The following MLLT3 variants were observed in gnomAD, a reference collection of about 807,000 sequenced individuals.
MLLT3 encodes protein AF-9.
MLLT3 carries 4 observed loss-of-function variants against 53.2 expected under a neutral mutation model. The ratio of observed to expected loss-of-function variants is 0.08; its 90% CI spans 0.04 to 0.17. The LOEUF (loss-of-function observed/expected upper bound fraction) is 0.17, where lower values mean the gene tolerates loss of function less well. Among genes scored for constraint, MLLT3 ranks in the 10% least tolerant of loss-of-function variants. MLLT3 has a pLI of 1.00. For synonymous variants in MLLT3, 283 were observed against 230.6 expected (o/e 1.23, Z -2.06); for missense variants, 569 against 684.0 (o/e 0.83, Z 1.87).
intron 5 of MLLT3, among the ~76,000 whole-genome samples, chr9:20,402,571 A>T (rs1211419521): frequency 6.6e-6 from 1 of 152,146 alleles, no homozygotes; most frequent in African/African-American, 2.4e-5. Context: ...GAGTTTTTAA[A>T]ACCTCTTTCC....
At chr9:20,601,001 A>T (rs959220239) in intron 2 of MLLT3, among the ~76,000 whole-genome samples, 1 of 151,524 alleles carries the variant, frequency 6.6e-6, no homozygotes, top group Non-Finnish European at 1.5e-5. Context: ...TTCTTTAAAT[A>T]AAAAAAAAGT....
chr9:20,400,659 G>C (rs1471026768), intron 5 of MLLT3, among the ~76,000 whole-genome samples: 1 of 151,956 alleles, frequency 6.6e-6, no homozygotes, highest in Admixed American at 6.6e-5. Context: ...TTGAAGCTGA[G>C]TGATGGTCCA....
In MLLT3 at chr9:20,370,423, C is replaced by T. The variant is rs1031559510; in HGVS notation, c.1126-4679G>A. On this transcript the variant is annotated intron_variant, in intron 5 of 10. Coordinates refer to ENST00000380338, the MANE Select transcript of MLLT3 (RefSeq NM_004529.4). ...AACTCCCTTCTTCTCCTTGGGTCTCCCTATTCCCTGAGATACAACAATACT... is the reference window on the plus strand; with the variant it reads ...AACTCCCTTCTTCTCCTTGGGTCTCTCTATTCCCTGAGATACAACAATACT... 2.2e-4 allele frequency among the ~76,000 whole-genome samples: 33 copies of T among 152,184 alleles called. 1 individual carries two copies. Among genetic ancestry groups the T allele is most frequent in the African/African-American group, 7.9e-4 (33 of 41,526 alleles).
intron 2 of MLLT3, among the ~76,000 whole-genome samples, chr9:20,565,494 C>T (rs1819330199): frequency 6.6e-6 from 1 of 152,014 alleles, no homozygotes; most frequent in African/African-American, 2.4e-5. Flanking sequence ...GCTATAAGTA[C>T]TGTCCTCCCC....
intron 2 of MLLT3, among the ~76,000 whole-genome samples, chr9:20,542,885 C>T (rs1355930739): frequency 6.6e-6 from 1 of 152,216 alleles, no homozygotes; most frequent in Non-Finnish European, 1.5e-5. Flanking sequence ...ATGATCTTAG[C>T]TAGAGCTTCT....
At chr9:20,501,700 G>A (rs1343523020) in intron 2 of MLLT3, among the ~76,000 whole-genome samples, 24 of 144,258 alleles carry the variant, frequency 1.7e-4, no homozygotes, top group Non-Finnish European at 2.5e-4. Context: ...GCCGTGAGCC[G>A]AGATTGCGCC....
In MLLT3 at chr9:20,571,850, G is replaced by C. The variant is rs183530368; in HGVS notation, c.193+48804C>G. ...ATATCATTTCACTTCTGTTAGAACA[G>C]TTTTTGTCAAGAGAACAAAAGATAA... On this transcript the variant is annotated intron_variant, in intron 2 of 10. Coordinates refer to ENST00000380338, the MANE Select transcript of MLLT3 (RefSeq NM_004529.4). Among the ~76,000 whole-genome samples the C allele has an allele frequency of 7.6e-3, 1,162 of 152,338 alleles. 4 individuals are homozygous for C. Among genetic ancestry groups the C allele is most frequent in the Non-Finnish European group, 0.013 (872 of 68,030 alleles).
chr9:20,392,702 T>C (rs1242556191), intron 5 of MLLT3, among the ~76,000 whole-genome samples: 2 of 152,178 alleles, frequency 1.3e-5, no homozygotes, highest in African/African-American at 4.8e-5. Flanking sequence ...TCCATATCTT[T>C]ATGAAATTTG....
At chr9:20,575,701 T>C (rs1195536374) in intron 2 of MLLT3, among the ~76,000 whole-genome samples, 2 of 152,184 alleles carry the variant, frequency 1.3e-5, no homozygotes, top group African/African-American at 4.8e-5. Flanking sequence ...GTCTCAATAG[T>C]GGACTTAAAA....
At chr9:20,438,842 G>T (rs949714865) in intron 4 of MLLT3, among the ~76,000 whole-genome samples, 1 of 152,014 alleles carries the variant, frequency 6.6e-6, no homozygotes. Context: ...TATTTGTAAG[G>T]CCAACTAAAT....
intron 2 of MLLT3, among the ~76,000 whole-genome samples, chr9:20,592,909 T>C (rs984631488): frequency 2.0e-5 from 3 of 152,194 alleles, no homozygotes; most frequent in African/African-American, 7.2e-5. Flanking sequence ...GACAAGTTCC[T>C]TTCTCATCCA....
intron 2 of MLLT3, among the ~76,000 whole-genome samples, chr9:20,466,329 G>A (rs1362250373): frequency 1.3e-5 from 2 of 152,066 alleles, no homozygotes; most frequent in Non-Finnish European, 2.9e-5. Flanking sequence ...TTTCAAGTTA[G>A]GGAGACTTAA....
At chr9:20,349,702 A>T (rs1820963507) in intron 10 of MLLT3, among the ~76,000 whole-genome samples, 1 of 152,232 alleles carries the variant, frequency 6.6e-6, no homozygotes, top group Non-Finnish European at 1.5e-5. Context: ...CCCACTAGAA[A>T]CGTCAGCCCG....
rs549098683 is a variant in MLLT3, at chr9:20,508,543, G to A, written c.194-51757C>T. Among the ~76,000 whole-genome samples the A allele has an allele frequency of 2.0e-5, 3 of 152,264 alleles. No individual in the cohort carries two copies. The South Asian group carries it at 6.2e-4, about 32-fold the overall frequency. On this transcript the variant is annotated intron_variant, in intron 2 of 10. Transcript: ENST00000380338. ...AAAGTAAATCTTAGAGGTAAAGAAT[G>A]AAGAAGACAAAAGATTAAAAATTCA...
chr9:20,497,691 T>A (rs572311784), intron 2 of MLLT3, among the ~76,000 whole-genome samples: 46 of 152,312 alleles, frequency 3.0e-4, no homozygotes, highest in African/African-American at 1.1e-3. Flanking sequence ...ACAATTTGTT[T>A]ATCCATTCCC....
intron 2 of MLLT3, among the ~76,000 whole-genome samples, chr9:20,532,326 T>C (rs779643593): frequency 6.6e-6 from 1 of 151,592 alleles, no homozygotes; most frequent in Non-Finnish European, 1.5e-5. Flanking sequence ...AAAATATATA[T>C]ATATAAATCA....
Position 20,344,398 on chromosome 9 carries a change from A to C in MLLT3, c.*2045T>G, listed in dbSNP as rs1820813345. ...TTAGAAATTTTAAAATATTTTAAAA[A>C]TTTGCAACATTTCCATATAAACATT... On this transcript the variant is annotated 3_prime_UTR_variant, in exon 11 of 11. Coordinates refer to ENST00000380338, the MANE Select transcript of MLLT3 (RefSeq NM_004529.4). The C allele has an allele frequency of 9.6e-6, 2 of 209,280 alleles. No individual in the cohort carries two copies. Among genetic ancestry groups the C allele is most frequent in the Non-Finnish European group, 1.9e-5 (2 of 102,802 alleles). The allele number at this position is 209,280 out of a possible 1,614,324, so 13.0% of individuals were successfully genotyped here.
intron 2 of MLLT3, among the ~76,000 whole-genome samples, chr9:20,494,323 C>G (rs568110970): frequency 3.3e-4 from 50 of 151,764 alleles, no homozygotes; most frequent in Non-Finnish European, 5.7e-4. Flanking sequence ...TACCATTCTT[C>G]AGGGGAGAAG....
At chr9:20,368,284 T>C (rs1821507251) in intron 5 of MLLT3, among the ~76,000 whole-genome samples, 1 of 152,182 alleles carries the variant, frequency 6.6e-6, no homozygotes, top group Admixed American at 6.5e-5. Context: ...CTGTAAAACA[T>C]TTCTCCCAGG....
Sources: allele counts gnomAD v4.1 joint callset (sites outside exome capture counted in the v4.1 genomes callset), GRCh38; gene constraint gnomAD v4.1.1; transcripts MANE v1.5; gene names NCBI Gene and HGNC (gene_info 2026-07-23, HGNC 2026-07-21).